The following MPHOSPH9 variants were observed in gnomAD, a reference collection of about 807,000 sequenced individuals.
The protein encoded by MPHOSPH9 is M-phase phosphoprotein 9.
Under a neutral mutation model 145.5 loss-of-function variants are expected in MPHOSPH9, and 88 were observed. The ratio of observed to expected loss-of-function variants is 0.60; its 90% CI spans 0.51 to 0.72. The LOEUF (loss-of-function observed/expected upper bound fraction) is 0.72, where lower values mean the gene tolerates loss of function less well. MPHOSPH9 is among the 30% of genes least tolerant of loss of function. MPHOSPH9 has a pLI of 0.00. For synonymous variants in MPHOSPH9, 435 were observed against 486.2 expected (o/e 0.89, Z 1.39); for missense variants, 1,238 against 1,386.6 (o/e 0.89, Z 1.70).
downstream of MPHOSPH9, among the ~76,000 whole-genome samples, chr12:123,153,620 T>C (rs1253414129): frequency 6.6e-6 from 1 of 151,620 alleles, no homozygotes; most frequent in Non-Finnish European, 1.5e-5. Flanking sequence ...ATACAAAAAT[T>C]AACCAGGCGT....
intron 15 of MPHOSPH9, 56 bp from the exon 16 acceptor site, chr12:123,176,845 G>T: frequency 1.5e-6 from 2 of 1,327,424 alleles, no homozygotes; most frequent in Non-Finnish European, 2.1e-6. Flanking sequence ...GTAAAATATA[G>T]CTCAACCACA....
At chr12:123,214,620 G>T (rs1056707025) in intron 7 of MPHOSPH9, 124 bp downstream of exon 7, 1 of 728,032 alleles carries the variant, frequency 1.4e-6, no homozygotes, top group Non-Finnish European at 2.3e-6. Context: ...CTACTATACA[G>T]TATCATCCCA....
At chr12:123,152,623 G>C (rs1301708106), downstream of MPHOSPH9, 7 of 455,796 alleles carry the variant, frequency 1.5e-5, no homozygotes, top group Non-Finnish European at 3.1e-5. Context: ...ATATCTGAGG[G>C]GTCTATGGAA....
At position 123,229,232 on chromosome 12, in the gene MPHOSPH9, G is replaced by A. The variant is rs150569929; in HGVS notation, c.104+1029C>T. Among the ~76,000 whole-genome samples the A allele has an allele frequency of 4.9e-3, 750 of 152,094 alleles. 6 individuals are homozygous for A. The highest frequency in any genetic ancestry group is 8.6e-3 in the Non-Finnish European group (587 of 67,996). ...ACCGCTGTTTTCCTTCCTTGTACCC[G>A]CTCTTTATAGATGCTCTCCTCTCTT... is the stretch of plus-strand genomic sequence containing the variant. On this transcript the variant is annotated intron_variant, in intron 2 of 23. Transcript: ENST00000606320.
intron 16 of MPHOSPH9, among the ~76,000 whole-genome samples, chr12:123,167,024 G>A (rs1176654535): frequency 3.9e-5 from 6 of 152,212 alleles, no homozygotes; most frequent in Middle Eastern, 6.8e-3. Flanking sequence ...AGGTACTTGC[G>A]GCTCTGAACA....
intron 5 of MPHOSPH9, among the ~76,000 whole-genome samples, 187 bp downstream of exon 5, chr12:123,221,185 C>T (rs973094272): frequency 6.6e-6 from 1 of 152,172 alleles, no homozygotes; most frequent in Non-Finnish European, 1.5e-5. Flanking sequence ...GTTTAGTAGT[C>T]TTATAACATT....
chr12:123,219,768 C>T (rs1490470148), intron 5 of MPHOSPH9, among the ~76,000 whole-genome samples: 1 of 152,052 alleles, frequency 6.6e-6, no homozygotes, highest in Non-Finnish European at 1.5e-5. Context: ...AAACTAAAAA[C>T]TTGGGATAAA....
intron 16 of MPHOSPH9, among the ~76,000 whole-genome samples, chr12:123,174,236 G>A (rs535749945): frequency 1.3e-5 from 2 of 152,100 alleles, no homozygotes; most frequent in African/African-American, 4.8e-5. Flanking sequence ...TTTTGGCAGC[G>A]CTTTCTCGGG....
chr12:123,240,648 T>C (rs1411221650), intron 1 of MPHOSPH9: 1 of 149,856 alleles, frequency 6.7e-6, no homozygotes, highest in African/African-American at 2.4e-5. Context: ...TTTAGATAAA[T>C]GGCGTCCAGA....
downstream of MPHOSPH9, chr12:123,152,785 G>C (rs528003791): frequency 4.1e-5 from 13 of 319,702 alleles, no homozygotes; most frequent in East Asian, 7.6e-4. Context: ...AATCAAACCT[G>C]CAACTGTCAA....
At chr12:123,170,534 G>A (rs1437828198) in intron 16 of MPHOSPH9, among the ~76,000 whole-genome samples, 1 of 151,916 alleles carries the variant, frequency 6.6e-6, no homozygotes, top group Non-Finnish European at 1.5e-5. Context: ...TCCCCACCTT[G>A]GCCTCCCAAA....
chr12:123,200,266 A>T (rs1439791846), intron 11 of MPHOSPH9, among the ~76,000 whole-genome samples: 2 of 151,382 alleles, frequency 1.3e-5, no homozygotes, highest in Non-Finnish European at 2.9e-5. Context: ...AATGACTGCC[A>T]CGTATTTTGT....
chr12:123,226,140 C>T (rs1490699285), intron 3 of MPHOSPH9: 1 of 166,744 alleles, frequency 6.0e-6, no homozygotes, highest in African/African-American at 2.4e-5. Context: ...TTTGCATGGG[C>T]ATTTTTAAAG....
At chr12:123,182,402 T>C (rs1464275217) in intron 13 of MPHOSPH9, among the ~76,000 whole-genome samples, 1 of 150,860 alleles carries the variant, frequency 6.6e-6, no homozygotes, top group East Asian at 2.0e-4. Flanking sequence ...TACAGGCGTA[T>C]GCCACCATGC....
chr12:123,181,708 G>C (rs1355406456), intron 13 of MPHOSPH9, among the ~76,000 whole-genome samples: 6 of 151,960 alleles, frequency 3.9e-5, no homozygotes, highest in South Asian at 2.1e-4. Context: ...TCTAACCTGG[G>C]GGACAAAGAG....
At chr12:123,156,967 C>A in intron 23 of MPHOSPH9, 59 bp from the exon 24 acceptor site, 1 of 1,288,306 alleles carries the variant, frequency 7.8e-7, no homozygotes, top group African/African-American at 1.5e-5. Flanking sequence ...CTATAATCAC[C>A]ACCAAACTGA....
At chr12:123,209,737 G>GTTT (rs531113020) in intron 8 of MPHOSPH9, among the ~76,000 whole-genome samples, 14 of 123,638 alleles carry the variant, frequency 1.1e-4, no homozygotes, top group Non-Finnish European at 2.1e-4. Flanking sequence ...TTGTTTTGTT[G>GTTT]TTTTTTTTTT....
intron 15 of MPHOSPH9, among the ~76,000 whole-genome samples, chr12:123,177,525 G>C (rs370377222): frequency 6.6e-6 from 1 of 151,678 alleles, no homozygotes; most frequent in East Asian, 1.9e-4. Flanking sequence ...AACAGAGCAA[G>C]ACTTTGTCTC....
At chr12:123,202,459 A>G in intron 10 of MPHOSPH9, 140 bp from the exon 11 acceptor site, 1 of 1,186,544 alleles carries the variant, frequency 8.4e-7, no homozygotes. Flanking sequence ...ATATAGATTA[A>G]TACACAAAAA....
Sources: allele counts gnomAD v4.1 joint callset (sites outside exome capture counted in the v4.1 genomes callset), GRCh38; gene constraint gnomAD v4.1.1; transcripts MANE v1.5; gene names NCBI Gene and HGNC (gene_info 2026-07-23, HGNC 2026-07-21).